TNRC6A: variants seen among roughly 807,000 people sequenced by gnomAD.
TNRC6A encodes the protein trinucleotide repeat containing adaptor 6A, also known as trinucleotide repeat-containing gene 6A protein.
A neutral mutation model predicts 221.2 loss-of-function variants in TNRC6A; 44 were observed. The observed-to-expected ratio is 0.20, with a 90% CI of 0.16 to 0.26. The LOEUF is 0.26. Among genes scored for constraint, TNRC6A ranks in the 10% least tolerant of loss-of-function variants. The pLI is 1.00. For missense variants in TNRC6A, 2,199 were observed against 2,404.4 expected, an observed-to-expected ratio of 0.91 and a Z score of 1.79; for synonymous variants, 847 against 838.5, an observed-to-expected ratio of 1.01 and a Z score of -0.18.
chr16:24,624,525 C>A (rs1037512706), intron 1 of TNRC6A, among the ~76,000 whole-genome samples: 1 of 152,300 alleles, frequency 6.6e-6, no homozygotes, highest in Non-Finnish European at 1.5e-5. Context: ...GTTGCCCAGG[C>A]TGGAATGCAC....
At chr16:24,744,864 T>C (rs2056968792) in intron 2 of TNRC6A, among the ~76,000 whole-genome samples, 1 of 152,200 alleles carries the variant, frequency 6.6e-6, no homozygotes, top group Admixed American at 6.5e-5. Context: ...CAAGGACATG[T>C]AAATATATAT....
chr16:24,799,043 C>T (rs1407923564), intron 11 of TNRC6A, among the ~76,000 whole-genome samples: 2 of 152,152 alleles, frequency 1.3e-5, no homozygotes, highest in East Asian at 1.9e-4. Context: ...GCACTCGCTA[C>T]GGAGCTACCA....
At chr16:24,742,930 C>CAAATA (rs1270107942) in intron 2 of TNRC6A, among the ~76,000 whole-genome samples, 1 of 151,962 alleles carries the variant, frequency 6.6e-6, no homozygotes, top group Non-Finnish European at 1.5e-5. Context: ...GATGCTGTCT[C>CAAATA]AAATAAAATA....
rs58926085 is a variant in TNRC6A, at chr16:24,704,664, C to CAAAAAAAAAAAAAAAAAAAAAAAAAA, written n.403-46057_403-46032dup. ...TGGGTGACAGAACAAGACTCCGTCT[C>CAAAAAAAAAAAAAAAAAAAAAAAAAA]AAAAAAAAAAAAAAAAAAAAAAAAA... On this transcript the variant is annotated intron_variant and non_coding_transcript_variant, in intron 2 of 2. Coordinates refer to the TNRC6A transcript ENST00000566108. 4.3e-5 allele frequency among the ~76,000 whole-genome samples: 3 copies of CAAAAAAAAAAAAAAAAAAAAAAAAAA among 69,464 alleles called. 1 individual carries two copies. Among genetic ancestry groups the CAAAAAAAAAAAAAAAAAAAAAAAAAA allele is most frequent in the Non-Finnish European group, 8.5e-5 (3 of 35,130 alleles). The allele number at this position is 69,464 out of a possible 152,430, so 45.6% of individuals were successfully genotyped here. A position where few individuals can be genotyped will look rare whatever the true frequency, so the allele number is the denominator to read the frequency against.
At chr16:24,723,805 T>C (rs2056451209) in intron 2 of TNRC6A, among the ~76,000 whole-genome samples, 1 of 152,208 alleles carries the variant, frequency 6.6e-6, no homozygotes, top group East Asian at 1.9e-4. Context: ...ACTGTTTCTA[T>C]TTGTTCAGAA....
chr16:24,797,019 G>C (rs1439648110), intron 9 of TNRC6A, among the ~76,000 whole-genome samples: 1 of 152,150 alleles, frequency 6.6e-6, no homozygotes, highest in Non-Finnish European at 1.5e-5. Flanking sequence ...TTTTCATGTG[G>C]AAAACACATG....
At chr16:24,616,922 A>G (rs1900384997) in intron 1 of TNRC6A, among the ~76,000 whole-genome samples, 1 of 147,990 alleles carries the variant, frequency 6.8e-6, no homozygotes, top group South Asian at 2.1e-4. Context: ...CTCCACCTCA[A>G]AAAAACAAAA....
Position 24,805,559 on chromosome 16 carries a change from G to T in TNRC6A, c.4123-46G>T, listed in dbSNP as rs748516772. 5 of 1,609,570 alleles carry T rather than the reference G, an allele frequency of 3.1e-6. No individual in the cohort carries two copies. In the Admixed American group the frequency reaches 6.7e-5, roughly 22 times the overall value. On this transcript the variant is annotated intron_variant, in intron 14 of 24. Coordinates refer to ENST00000395799, the MANE Select transcript of TNRC6A (RefSeq NM_014494.4). Reference sequence around the variant, plus strand: ...AAAACACACAGTACGTGTAGTTAGTGTGAGTTATTTTATCAAGATCATTAA... The same window carrying T: ...AAAACACACAGTACGTGTAGTTAGTTTGAGTTATTTTATCAAGATCATTAA...
intron 4 of TNRC6A, among the ~76,000 whole-genome samples, chr16:24,761,799 G>C (rs2057370202): frequency 6.6e-6 from 1 of 152,116 alleles, no homozygotes; most frequent in African/African-American, 2.4e-5. Flanking sequence ...CTGAGTAGTT[G>C]GGACTGTAGG....
chr16:24,771,764 A>G (rs2057616411), intron 4 of TNRC6A, among the ~76,000 whole-genome samples: 1 of 151,834 alleles, frequency 6.6e-6, no homozygotes, highest in Non-Finnish European at 1.5e-5. Context: ...TGTGTTTTGG[A>G]GGGATAAATC....
chr16:24,623,332 G>GA (rs1900785508), intron 1 of TNRC6A, among the ~76,000 whole-genome samples: 1 of 152,064 alleles, frequency 6.6e-6, no homozygotes, highest in Non-Finnish European at 1.5e-5. Flanking sequence ...CCGAGTAGCT[G>GA]GGACTACAGG....
intron 2 of TNRC6A, among the ~76,000 whole-genome samples, chr16:24,714,009 G>A (rs2056262972): frequency 6.6e-6 from 1 of 152,214 alleles, no homozygotes; most frequent in Non-Finnish European, 1.5e-5. Context: ...TTCACATTGT[G>A]TGGGTATGTG....
chr16:24,666,108 C>T lies in TNRC6A; in HGVS notation n.402+25099C>T, dbSNP rs544492507. ...TTGGGAGGCTGAGGTGGAAGGATGG[C>T]TTAAAGTCAGAAGTTTGAGACCAGC... On this transcript the variant is annotated intron_variant and non_coding_transcript_variant, in intron 2 of 2. Transcript: ENST00000566108. Among the ~76,000 whole-genome samples the T allele has an allele frequency of 7.2e-5, 11 of 152,174 alleles. No homozygotes were observed. The South Asian group carries it at 1.9e-3, about 26-fold the overall frequency.
chr16:24,766,575 A>G (rs574574820), intron 4 of TNRC6A, among the ~76,000 whole-genome samples: 25 of 152,236 alleles, frequency 1.6e-4, no homozygotes, highest in African/African-American at 6.0e-4. Context: ...GATGGGATCT[A>G]TCAACTTCAT....
At chr16:24,712,907 CTGTGTGTGTGTGTGTGTG>C (rs61198955) in intron 2 of TNRC6A, among the ~76,000 whole-genome samples, 151 of 126,774 alleles carry the variant, frequency 1.2e-3, no homozygotes, top group Non-Finnish European at 2.0e-3. Context: ...TTATGTGCCA[CTGTGTGTGTGTGTGTGTG>C]TGTGTGTGTG....
intron 23 of TNRC6A, 151 bp from the exon 24 acceptor site, chr16:24,822,723 C>G: frequency 9.2e-7 from 1 of 1,092,628 alleles, no homozygotes; most frequent in African/African-American, 1.6e-5. Flanking sequence ...GCTCTGCACC[C>G]CGTCAGAGCA....
rs60944175 is a variant in TNRC6A at position 24,689,989 on chromosome 16, T to TAAAA, written n.402+49015_402+49018dup. On this transcript the variant is annotated intron_variant and non_coding_transcript_variant, in intron 2 of 2. Coordinates refer to the TNRC6A transcript ENST00000566108. ...TGGTCTCAAACTCCTAGGCTTAAAG[T>TAAAA]AAAAAAAAAAAAAAAAAAAAAAAAA... 1.8e-3 allele frequency among the ~76,000 whole-genome samples: 179 copies of TAAAA among 97,480 alleles called. 1 individual carries two copies. Among genetic ancestry groups the TAAAA allele is most frequent in the Middle Eastern group, 7.5e-3 (1 of 134 alleles). 64.0% of individuals were successfully genotyped at this position (97,480 alleles called of 152,430 possible).
intron 1 of TNRC6A, among the ~76,000 whole-genome samples, chr16:24,627,624 CT>C (rs746143301): frequency 6.6e-6 from 1 of 151,848 alleles, no homozygotes; most frequent in South Asian, 2.1e-4. Flanking sequence ...GATTTGACCC[CT>C]GATGTGTTCT....
chr16:24,772,749 C>T (rs929389365), intron 4 of TNRC6A, among the ~76,000 whole-genome samples: 6 of 152,222 alleles, frequency 3.9e-5, no homozygotes, highest in Admixed American at 1.3e-4. Flanking sequence ...CACCACAGCA[C>T]TCCAGCCTGA....
Sources: gnomAD v4.1 joint callset for allele counts (sites outside exome capture counted in the v4.1 genomes callset) on GRCh38, gnomAD v4.1.1 for gene constraint, MANE v1.5 for transcripts, NCBI Gene and HGNC (gene_info 2026-07-23, HGNC 2026-07-21) for gene names.